Variants in COLQ observed in about 807,000 individuals in gnomAD.
The protein encoded by COLQ is acetylcholinesterase collagenic tail peptide.
Under a neutral mutation model 69.0 loss-of-function variants are expected in COLQ, and 48 were observed. The observed-to-expected ratio is 0.70, with a 90% CI of 0.55 to 0.88. COLQ has a LOEUF of 0.88. Ranked by LOEUF, COLQ falls within the 40% of genes least tolerant of loss-of-function variation. The pLI, the probability that COLQ is intolerant of heterozygous loss-of-function variation, is 0.00. For synonymous variants in COLQ, 217 were observed against 211.2 expected (o/e 1.03, Z -0.24); for missense variants, 618 against 594.6 (o/e 1.04, Z -0.41).
intron 11 of COLQ, 104 bp downstream of exon 11, chr3:15,470,428 TCAAG>T (rs2062261714): frequency 1.0e-6 from 1 of 986,742 alleles, no homozygotes; most frequent in African/African-American, 1.6e-5. Flanking sequence ...GATGCTGGAG[TCAAG>T]GTCTACAGAA....
In COLQ at chr3:15,455,783, C is replaced by A. The variant is rs1011461471; in HGVS notation, c.1195+116G>T. ...GGTGGCACAAGGTGGCCTGGGTATA[C>A]CCTTCTCTGGCTCTAGAAAGGTCCC... On this transcript the variant is annotated intron_variant, in intron 15 of 16. Coordinates refer to ENST00000383788, the MANE Select transcript of COLQ (RefSeq NM_005677.4). 6.3e-6 allele frequency: 9 copies of A among 1,420,048 alleles called. No individual in the cohort carries two copies. In the African/African-American group the frequency reaches 1.3e-4, roughly 20 times the overall value. The allele number at this position is 1,420,048 out of a possible 1,614,324, so 88.0% of individuals were successfully genotyped here.
At chr3:15,456,367 C>A (rs1289114274) in intron 14 of COLQ, 93 bp downstream of exon 14, 1 of 1,564,736 alleles carries the variant, frequency 6.4e-7, no homozygotes, top group Non-Finnish European at 8.7e-7. Context: ...AGAAAGCCCT[C>A]CCCAGGCCCA....
chr3:15,483,775 T>C (rs2062529298), intron 3 of COLQ, among the ~76,000 whole-genome samples: 1 of 152,190 alleles, frequency 6.6e-6, no homozygotes, highest in Non-Finnish European at 1.5e-5. Flanking sequence ...CCTTGTTAAC[T>C]TTCTGTCTCA....
chr3:15,497,522 C>T (rs1429674631), intron 1 of COLQ, among the ~76,000 whole-genome samples: 2 of 152,120 alleles, frequency 1.3e-5, no homozygotes, highest in Non-Finnish European at 2.9e-5. Context: ...ACAAATGTGT[C>T]ATTAGAAACT....
At chr3:15,453,608 G>A (rs2061980126) in intron 16 of COLQ, among the ~76,000 whole-genome samples, 1 of 152,194 alleles carries the variant, frequency 6.6e-6, no homozygotes, top group African/African-American at 2.4e-5. Flanking sequence ...GCAGGTGGCT[G>A]TGGGTGCCGT....
chr3:15,483,425 T>C (rs897120777), intron 3 of COLQ, among the ~76,000 whole-genome samples: 2 of 152,232 alleles, frequency 1.3e-5, no homozygotes, highest in Non-Finnish European at 2.9e-5. Flanking sequence ...TCTGTTCTCA[T>C]GGGTTTCAAA....
At chr3:15,484,770 G>T (rs2062547568) in intron 3 of COLQ, among the ~76,000 whole-genome samples, 1 of 152,132 alleles carries the variant, frequency 6.6e-6, no homozygotes, top group Non-Finnish European at 1.5e-5. Context: ...GCTCCAACAG[G>T]TCATTTAAGG....
At chr3:15,469,821 C>T (rs571480046) in intron 11 of COLQ, among the ~76,000 whole-genome samples, 48 of 152,288 alleles carry the variant, frequency 3.2e-4, no homozygotes, top group Non-Finnish European at 5.3e-4. Flanking sequence ...ATTTAATCAC[C>T]GGCCCCACCC....
At chr3:15,510,166 A>G (rs1048574991) in intron 1 of COLQ, among the ~76,000 whole-genome samples, 18 of 151,270 alleles carry the variant, frequency 1.2e-4, no homozygotes, top group African/African-American at 4.4e-4. Flanking sequence ...ACAGAGCGAG[A>G]CTCTGTCTAA....
At chr3:15,465,610 C>CT (rs71045163) in intron 12 of COLQ, among the ~76,000 whole-genome samples, 4,695 of 94,628 alleles carry the variant, frequency 0.05, 295 homozygotes, top group African/African-American at 0.1. Context: ...CTTTCTACAT[C>CT]TTTTTTTTTT....
rs912110168 is a variant in COLQ at position 15,451,611 on chromosome 3, T to C, written c.*33A>G. 1 of 1,604,930 alleles carries C rather than the reference T, an allele frequency of 6.2e-7. No homozygotes were observed. On this transcript the variant is annotated 3_prime_UTR_variant, in exon 17 of 17. Coordinates refer to ENST00000383788, the MANE Select transcript of COLQ (RefSeq NM_005677.4). ...ACAGTGGAGAAGCTGCTGCCAGTTC[T>C]GTGGGGCGCAGCCCACCTTCTCCTC... is the stretch of plus-strand genomic sequence containing the variant.
At chr3:15,492,553 C>G (rs566498628) in intron 1 of COLQ, among the ~76,000 whole-genome samples, 1 of 151,860 alleles carries the variant, frequency 6.6e-6, no homozygotes, top group Non-Finnish European at 1.5e-5. Flanking sequence ...TGTAGTCCCA[C>G]CTACTTGGGA....
chr3:15,490,409 C>G lies in COLQ; in HGVS notation c.107-772G>C, dbSNP rs2062645800. Among the ~76,000 whole-genome samples the G allele has an allele frequency of 5.3e-5, 8 of 152,342 alleles. No individual in the cohort carries two copies. The South Asian group carries it at 1.7e-3, about 32-fold the overall frequency. On this transcript the variant is annotated intron_variant, in intron 1 of 16. Transcript: ENST00000383788. Reference sequence around the variant, plus strand: ...GGTCAAGAAACAGCATTCCCCAGTGCCCAGAAGCTCCTTCAAGCTCCAATC... The same window carrying G: ...GGTCAAGAAACAGCATTCCCCAGTGGCCAGAAGCTCCTTCAAGCTCCAATC...
chr3:15,474,374 C>T, intron 8 of COLQ, 102 bp from the exon 9 acceptor site: 1 of 1,214,182 alleles, frequency 8.2e-7, no homozygotes, highest in Non-Finnish European at 1.2e-6. Flanking sequence ...CCTCATTTTA[C>T]AAGTGAAGAA....
chr3:15,491,451 C>T (rs1473332679), intron 1 of COLQ, among the ~76,000 whole-genome samples: 2 of 152,178 alleles, frequency 1.3e-5, no homozygotes. Flanking sequence ...CCATCTCCAC[C>T]TTGTGCTCCA....
chr3:15,508,877 G>A (rs1438537481), intron 1 of COLQ, among the ~76,000 whole-genome samples: 8 of 152,004 alleles, frequency 5.3e-5, no homozygotes, highest in Admixed American at 5.2e-4. Flanking sequence ...CAGGCCAGGT[G>A]TAGTGGTTCA....
chr3:15,451,899 G>A (rs747195955), intron 16 of COLQ, among the ~76,000 whole-genome samples, 186 bp from the exon 17 acceptor site: 4 of 152,272 alleles, frequency 2.6e-5, no homozygotes, highest in Admixed American at 1.3e-4. Flanking sequence ...GGTCTAGCTC[G>A]GGGCCTGGGT....
chr3:15,498,534 G>A (rs1304774696), intron 1 of COLQ: 2 of 1,551,858 alleles, frequency 1.3e-6, no homozygotes, highest in Non-Finnish European at 1.7e-6. Flanking sequence ...CCGAGTAACA[G>A]AGCAGTCCTG....
intron 10 of COLQ, among the ~76,000 whole-genome samples, chr3:15,471,480 C>G (rs371329843): frequency 6.6e-6 from 1 of 152,192 alleles, no homozygotes; most frequent in South Asian, 2.1e-4. Flanking sequence ...GCCCACAGGG[C>G]GCTTCATTCC....
Sources: gnomAD v4.1 joint callset for allele counts (sites outside exome capture counted in the v4.1 genomes callset) on GRCh38, gnomAD v4.1.1 for gene constraint, MANE v1.5 for transcripts, NCBI Gene and HGNC (gene_info 2026-07-23, HGNC 2026-07-21) for gene names.